The following XRCC4 variants were observed in gnomAD, a reference collection of about 807,000 sequenced individuals.
XRCC4 encodes the protein X-ray repair cross complementing 4, also known as DNA repair protein XRCC4.
XRCC4 carries 28 observed loss-of-function variants against 39.1 expected under a neutral mutation model. The observed-to-expected ratio is 0.72, with a 90% CI of 0.53 to 0.98. The LOEUF is 0.98. XRCC4 is among the 50% of genes least tolerant of loss of function. The pLI is 0.00. For missense variants in XRCC4, 350 were observed against 376.4 expected, an observed-to-expected ratio of 0.93 and a Z score of 0.58; for synonymous variants, 123 against 126.4, an observed-to-expected ratio of 0.97 and a Z score of 0.18.
At chr5:83,141,438 C>T (rs1748168492) in intron 3 of XRCC4, among the ~76,000 whole-genome samples, 1 of 152,126 alleles carries the variant, frequency 6.6e-6, no homozygotes, top group Non-Finnish European at 1.5e-5. Flanking sequence ...TATGAAATTG[C>T]CTGATTCCTC....
chr5:83,179,164 T>G (rs892104766), intron 3 of XRCC4, among the ~76,000 whole-genome samples: 8 of 152,170 alleles, frequency 5.3e-5, no homozygotes, highest in African/African-American at 9.6e-5. Flanking sequence ...GAAGAAGCAT[T>G]TTTAGTGTTT....
intron 3 of XRCC4, among the ~76,000 whole-genome samples, chr5:83,146,810 C>T (rs990809599): frequency 1.3e-5 from 2 of 152,080 alleles, no homozygotes; most frequent in Non-Finnish European, 2.9e-5. Flanking sequence ...TGTATGTTTT[C>T]TTTTTCCCCG....
At position 83,193,931 on chromosome 5, in the gene XRCC4, T is replaced by TTTG. The variant is rs913374856; in HGVS notation, c.316-1824_316-1822dup. ...TGACTTTTTTTTTCCTTTTTTTGTT[T>TTTG]TTGTTGTTGTTGTTGTTTTCGAGAC... On this transcript the variant is annotated intron_variant, in intron 3 of 7. Coordinates refer to ENST00000396027, the MANE Select transcript of XRCC4 (RefSeq NM_003401.5). Among the ~76,000 whole-genome samples the TTTG allele has an allele frequency of 5.9e-5, 9 of 152,174 alleles. No individual in the cohort carries two copies. The South Asian group carries it at 1.7e-3, about 28-fold the overall frequency.
intron 7 of XRCC4, among the ~76,000 whole-genome samples, chr5:83,340,696 G>C (rs985493277): frequency 6.6e-6 from 1 of 151,638 alleles, no homozygotes; most frequent in East Asian, 1.9e-4. Flanking sequence ...CCAACTTCTT[G>C]ACTTTTGATC....
At chr5:83,103,751 G>A (rs1199773907) in intron 1 of XRCC4, among the ~76,000 whole-genome samples, 1 of 152,200 alleles carries the variant, frequency 6.6e-6, no homozygotes, top group Non-Finnish European at 1.5e-5. Context: ...AACACATAGT[G>A]TGGATGAATC....
At chr5:83,241,403 T>C (rs186768468) in intron 6 of XRCC4, among the ~76,000 whole-genome samples, 271 of 152,294 alleles carry the variant, frequency 1.8e-3, no homozygotes, top group Middle Eastern at 3.4e-3. Flanking sequence ...CACAAATCTA[T>C]CTTTTTGTGT....
chr5:83,185,562 G>A (rs1750401779), intron 3 of XRCC4, among the ~76,000 whole-genome samples: 1 of 151,626 alleles, frequency 6.6e-6, no homozygotes, highest in Non-Finnish European at 1.5e-5. Flanking sequence ...TTCATGGGAT[G>A]TTCTTGGTAA....
intron 7 of XRCC4, among the ~76,000 whole-genome samples, chr5:83,336,335 G>A (rs1385851275): frequency 1.3e-5 from 2 of 152,072 alleles, no homozygotes; most frequent in Admixed American, 6.6e-5. Context: ...GTGAATTTAT[G>A]TATGACAACT....
chr5:83,260,796 A>G (rs934647357), intron 7 of XRCC4, among the ~76,000 whole-genome samples: 1 of 152,020 alleles, frequency 6.6e-6, no homozygotes, highest in Non-Finnish European at 1.5e-5. Context: ...TATTTTCACC[A>G]TTTTAAAAGT....
At chr5:83,355,445 T>C (rs1245402794), downstream of XRCC4, among the ~76,000 whole-genome samples, 3 of 152,216 alleles carry the variant, frequency 2.0e-5, no homozygotes, top group East Asian at 5.8e-4. Flanking sequence ...AATTAGTGTT[T>C]GTTGAATGAA....
chr5:83,134,074 G>A (rs765776565), intron 3 of XRCC4, among the ~76,000 whole-genome samples: 4 of 152,198 alleles, frequency 2.6e-5, no homozygotes, highest in East Asian at 3.9e-4. Flanking sequence ...GGGCTTGATC[G>A]GAGGCTGAAT....
intron 6 of XRCC4, among the ~76,000 whole-genome samples, chr5:83,242,075 T>C (rs992068089): frequency 2.5e-5 from 1 of 39,616 alleles, no homozygotes; most frequent in African/African-American, 6.6e-5. Flanking sequence ...AAATTCAGTG[T>C]AACTTTTATT....
At chr5:83,309,296 A>AAAAAATATATATATATATATATAT (rs1561467702) in intron 7 of XRCC4, among the ~76,000 whole-genome samples, 1 of 72,226 alleles carries the variant, frequency 1.4e-5, no homozygotes, top group African/African-American at 8.5e-5. Context: ...AAAAAAAAAA[A>AAAAAATATATATATATATATATAT]ATATATATAT....
At chr5:83,212,175 T>G (rs926681451) in intron 6 of XRCC4, among the ~76,000 whole-genome samples, 3 of 152,020 alleles carry the variant, frequency 2.0e-5, no homozygotes, top group African/African-American at 7.2e-5. Context: ...TATACTAAAC[T>G]AAACAAAAAC....
chr5:83,148,271 T>A (rs1294195026), intron 3 of XRCC4, among the ~76,000 whole-genome samples: 1 of 152,228 alleles, frequency 6.6e-6, no homozygotes. Context: ...AAAATATAGC[T>A]GCAGTTTTGG....
intron 3 of XRCC4, among the ~76,000 whole-genome samples, chr5:83,166,640 T>C (rs1749490597): frequency 1.3e-5 from 2 of 151,266 alleles, no homozygotes; most frequent in African/African-American, 4.9e-5. Context: ...ATTTTTTTTT[T>C]TTTTTTTTGT....
intron 3 of XRCC4, among the ~76,000 whole-genome samples, chr5:83,116,136 T>A (rs570520543): frequency 1.3e-4 from 20 of 152,342 alleles, no homozygotes; most frequent in African/African-American, 4.3e-4. Context: ...AATACTTTTT[T>A]AAAGCTAATT....
In XRCC4 at chr5:83,254,623, G is replaced by A. The variant is rs1753458558; in HGVS notation, c.746-3907G>A. Among the ~76,000 whole-genome samples the A allele has an allele frequency of 2.6e-5, 4 of 151,970 alleles. No homozygotes were observed. The South Asian group carries it at 8.3e-4, about 31-fold the overall frequency. On this transcript the variant is annotated intron_variant, in intron 6 of 7. Coordinates refer to ENST00000396027, the MANE Select transcript of XRCC4 (RefSeq NM_003401.5). The stretch of plus-strand genomic sequence containing the variant: ...TCTGTGACCTCCTATTGATATAGTT[G>A]GGATCCCTTCTGTTGTGTGTGAAAT...
intron 7 of XRCC4, among the ~76,000 whole-genome samples, chr5:83,332,151 T>C (rs892542917): frequency 3.3e-4 from 50 of 151,838 alleles, no homozygotes; most frequent in African/African-American, 1.2e-3. Flanking sequence ...AGCTGTTGCC[T>C]TCTTATAAAG....
Sources: gnomAD v4.1 joint callset for allele counts (sites outside exome capture counted in the v4.1 genomes callset) on GRCh38, gnomAD v4.1.1 for gene constraint, MANE v1.5 for transcripts, NCBI Gene and HGNC (gene_info 2026-07-23, HGNC 2026-07-21) for gene names.